Variants in PDE7B observed in about 807,000 individuals in gnomAD.
PDE7B encodes phosphodiesterase 7B.
Under a neutral mutation model 56.2 loss-of-function variants are expected in PDE7B, and 29 were observed. The observed-to-expected ratio is 0.52, with a 90% CI of 0.38 to 0.70. The LOEUF (loss-of-function observed/expected upper bound fraction) is 0.70, where lower values mean the gene tolerates loss of function less well. PDE7B is among the 30% of genes least tolerant of loss of function. PDE7B has a pLI of 0.00. For missense variants in PDE7B, 490 were observed against 565.0 expected (o/e 0.87, Z 1.35); for synonymous variants, 197 against 196.9 (o/e 1.00, Z 0.00).
At chr6:135,990,966 G>T (rs76300741) in intron 2 of PDE7B, among the ~76,000 whole-genome samples, 4 of 152,214 alleles carry the variant, frequency 2.6e-5, no homozygotes, top group Non-Finnish European at 5.9e-5. Flanking sequence ...GATTATTCAT[G>T]AGTTTTCTGG....
At chr6:136,186,061 T>A (rs555456310) in intron 11 of PDE7B, among the ~76,000 whole-genome samples, 79 of 151,340 alleles carry the variant, frequency 5.2e-4, no homozygotes, top group African/African-American at 1.8e-3. Flanking sequence ...CCACGGAAAG[T>A]AAGGGCAAAA....
chr6:135,884,711 A>G (rs1775670819), intron 1 of PDE7B, among the ~76,000 whole-genome samples: 1 of 152,132 alleles, frequency 6.6e-6, no homozygotes, highest in South Asian at 2.1e-4. Context: ...TAGTCAATAG[A>G]TATTTATTGA....
intron 2 of PDE7B, among the ~76,000 whole-genome samples, chr6:136,008,709 A>G (rs879455515): frequency 5.3e-5 from 8 of 152,226 alleles, no homozygotes; most frequent in Admixed American, 2.6e-4. Context: ...AATTTGTTGG[A>G]GTTCATTGTA....
Position 136,000,406 on chromosome 6 carries a change from C to T in PDE7B, c.82+52882C>T, listed in dbSNP as rs552591780. On this transcript the variant is annotated intron_variant, in intron 2 of 12. Coordinates refer to ENST00000308191, the MANE Select transcript of PDE7B (RefSeq NM_018945.4). The stretch of plus-strand genomic sequence containing the variant: ...GGGTTTTATGTTTAAGTCTTTCATC[C>T]ATATTGAGTTGATTTTTGTATATAG... 1.2e-3 allele frequency among the ~76,000 whole-genome samples: 180 copies of T among 152,146 alleles called. 1 individual carries two copies. Among genetic ancestry groups the T allele is most frequent in the African/African-American group, 4.2e-3 (173 of 41,522 alleles).
chr6:135,894,353 C>T (rs1345340355), intron 1 of PDE7B, among the ~76,000 whole-genome samples: 2 of 152,060 alleles, frequency 1.3e-5, no homozygotes, highest in Non-Finnish European at 2.9e-5. Flanking sequence ...TAAAAACCTA[C>T]GTGAAAGATA....
chr6:136,143,254 T>C (rs1235913212), intron 3 of PDE7B, among the ~76,000 whole-genome samples: 2 of 151,984 alleles, frequency 1.3e-5, no homozygotes, highest in African/African-American at 4.8e-5. Flanking sequence ...ATATGGTAGC[T>C]CACACTTATA....
In PDE7B at chr6:136,194,189, A is replaced by G. The variant is rs1490228654; in HGVS notation, c.*2349A>G. On this transcript the variant is annotated 3_prime_UTR_variant, in exon 13 of 13. Coordinates refer to ENST00000308191, the MANE Select transcript of PDE7B (RefSeq NM_018945.4). ...AAATCAAGGAAGGCAATTGCTGGGG[A>G]CAAGAAAAGTAGAGGTAGGAAAGAA... The G allele has an allele frequency of 1.3e-5, 2 of 152,134 alleles. No homozygotes were observed. Among genetic ancestry groups the G allele is most frequent in the Non-Finnish European group, 2.9e-5 (2 of 68,034 alleles). 9.4% of individuals were successfully genotyped at this position (152,134 alleles called of 1,614,324 possible).
chr6:136,164,804 G>C (rs986291778), intron 8 of PDE7B, among the ~76,000 whole-genome samples: 1 of 151,998 alleles, frequency 6.6e-6, no homozygotes, highest in Non-Finnish European at 1.5e-5. Flanking sequence ...ACAAACTCTA[G>C]AGGGAAAAGA....
At chr6:135,909,711 A>G (rs940857580) in intron 1 of PDE7B, among the ~76,000 whole-genome samples, 3 of 152,170 alleles carry the variant, frequency 2.0e-5, no homozygotes, top group Non-Finnish European at 2.9e-5. Flanking sequence ...TTTATATTTC[A>G]CCAAGTAGAA....
chr6:135,856,722 TA>T (rs1447562365), intron 1 of PDE7B, among the ~76,000 whole-genome samples: 1 of 152,196 alleles, frequency 6.6e-6, no homozygotes, highest in African/African-American at 2.4e-5. Flanking sequence ...GCTGGTTTTG[TA>T]GTTTTGGATA....
At position 136,067,515 on chromosome 6, in the gene PDE7B, T is replaced by C. The variant is rs556137409; in HGVS notation, c.83-41216T>C. Among the ~76,000 whole-genome samples, 47 of 152,334 alleles carry C rather than the reference T, an allele frequency of 3.1e-4. 1 individual carries two copies. Among genetic ancestry groups the C allele is most frequent in the Admixed American group, 1.2e-3 (18 of 15,298 alleles). On this transcript the variant is annotated intron_variant, in intron 2 of 12. Coordinates refer to ENST00000308191, the MANE Select transcript of PDE7B (RefSeq NM_018945.4). ...TAGAATTTAACATAAAACCTAAAAC[T>C]ACATAGGACATTCTAATTAAGACTT...
At chr6:136,080,227 A>G (rs1379746807) in intron 2 of PDE7B, among the ~76,000 whole-genome samples, 1 of 152,196 alleles carries the variant, frequency 6.6e-6, no homozygotes, top group African/African-American at 2.4e-5. Flanking sequence ...ATAAACTTCC[A>G]ATTTCTTAGA....
At chr6:136,069,276 C>T (rs1057405639) in intron 2 of PDE7B, among the ~76,000 whole-genome samples, 11 of 152,108 alleles carry the variant, frequency 7.2e-5, no homozygotes, top group African/African-American at 2.2e-4. Context: ...AGTAAGCAAG[C>T]GGGGACAAAT....
chr6:136,074,199 C>T (rs1473003714), intron 2 of PDE7B, among the ~76,000 whole-genome samples: 1 of 148,698 alleles, frequency 6.7e-6, no homozygotes, highest in Non-Finnish European at 1.5e-5. Flanking sequence ...CACCACTGCA[C>T]TCTATCCTGG....
At chr6:135,916,612 C>T (rs940451870) in intron 1 of PDE7B, among the ~76,000 whole-genome samples, 20 of 151,702 alleles carry the variant, frequency 1.3e-4, no homozygotes, top group Non-Finnish European at 2.5e-4. Context: ...AGGATGGTCT[C>T]GATCTCTTGA....
In PDE7B at chr6:135,986,419, C is replaced by A. The variant is rs188556571; in HGVS notation, c.82+38895C>A. On this transcript the variant is annotated intron_variant, in intron 2 of 12. Coordinates refer to ENST00000308191, the MANE Select transcript of PDE7B (RefSeq NM_018945.4). The stretch of plus-strand genomic sequence containing the variant: ...CATTTAGGAAAGTGTAGTAGCCATG[C>A]AATTAAGCAAGATTTTAAAAAACTG... Among the ~76,000 whole-genome samples, 73 of 152,240 alleles carry A rather than the reference C, an allele frequency of 4.8e-4. No homozygotes were observed. In the South Asian group the frequency reaches 7.5e-3, roughly 16 times the overall value.
chr6:136,143,913 T>C (rs1173109736), intron 3 of PDE7B, among the ~76,000 whole-genome samples: 1 of 152,112 alleles, frequency 6.6e-6, no homozygotes, highest in Non-Finnish European at 1.5e-5. Context: ...ATTTCCATCA[T>C]TCAGGGCTAT....
intron 3 of PDE7B, among the ~76,000 whole-genome samples, chr6:136,135,973 T>A (rs1417448186): frequency 6.6e-6 from 1 of 152,106 alleles, no homozygotes; most frequent in Non-Finnish European, 1.5e-5. Flanking sequence ...TTTAATTTCT[T>A]AAAGTAGTCT....
intron 2 of PDE7B, among the ~76,000 whole-genome samples, chr6:136,093,677 A>G (rs955766468): frequency 6.6e-6 from 1 of 152,192 alleles, no homozygotes; most frequent in South Asian, 2.1e-4. Flanking sequence ...TGAGAAAGCC[A>G]TCTCTGGGAG....
Sources: gnomAD v4.1 joint callset for allele counts (sites outside exome capture counted in the v4.1 genomes callset) on GRCh38, gnomAD v4.1.1 for gene constraint, MANE v1.5 for transcripts, NCBI Gene and HGNC (gene_info 2026-07-23, HGNC 2026-07-21) for gene names.